The following BRCA1 variants were observed in gnomAD, a reference collection of about 807,000 sequenced individuals.
The protein encoded by BRCA1 is BRCA1 DNA repair associated.
A neutral mutation model predicts 173.7 loss-of-function variants in BRCA1; 140 were observed. That is an observed-to-expected ratio of 0.81 (90% CI 0.70 to 0.93). The LOEUF is 0.93. BRCA1 is among the 40% of genes least tolerant of loss of function. The probability of loss-of-function intolerance (pLI) is 0.00; values close to 1 mark genes in which losing one functional copy is unlikely to be tolerated. For synonymous variants in BRCA1, 662 were observed against 756.0 expected (o/e 0.88, Z 2.04); for missense variants, 1,983 against 2,172.5 (o/e 0.91, Z 1.73).
Position 43,093,444 on chromosome 17 carries a change from G to A in BRCA1, c.2087C>T (p.Thr696Ile), listed in dbSNP as rs1334969117. 1 of 1,614,054 alleles carries A rather than the reference G, an allele frequency of 6.2e-7. No individual in the cohort carries two copies. Among genetic ancestry groups the A allele is most frequent in the South Asian group, 1.1e-5 (1 of 91,082 alleles). Residue 696 changes from threonine to isoleucine, a missense_variant, in exon 10 of 23, where the codon ACT (threonine) becomes ATT (isoleucine). Physicochemically the swap from Thr to Ile is moderately conservative, Grantham distance 89. Transcript: ENST00000357654. ...ATTTGTTAACTTCAGCTCTGGGAAA[G>A]TATCGCTGTCATGTCTTTTACTTGT... ...EQTSKRHDSDTFPELKLTNAP... is the reference protein window; with the variant it reads ...EQTSKRHDSDIFPELKLTNAP...
intron 14 of BRCA1, among the ~76,000 whole-genome samples, chr17:43,072,725 T>A (rs1271303007): frequency 6.6e-6 from 1 of 151,746 alleles, no homozygotes; most frequent in Admixed American, 6.6e-5. Flanking sequence ...CCACCAAGCC[T>A]GGCTAATTTT....
Position 43,078,359 on chromosome 17 carries a change from A to G in BRCA1, c.4358-1745T>C, listed in dbSNP as rs8176200. On this transcript the variant is annotated intron_variant, in intron 12 of 22. Transcript: ENST00000357654. ...CTTGGCCTCACAAAGTGCTGGGATT[A>G]TAGGCATGAGCCACCATACCCAGCC... Among the ~76,000 whole-genome samples, 45,601 of 152,134 alleles carry G rather than the reference A, an allele frequency of 0.3. 7,396 individuals carry two copies. Among genetic ancestry groups the G allele is most frequent in the South Asian group, 0.49 (2,369 of 4,820 alleles).
chr17:43,096,270 G>C (rs1323216899), intron 8 of BRCA1, among the ~76,000 whole-genome samples: 6 of 151,254 alleles, frequency 4.0e-5, no homozygotes, highest in Admixed American at 1.3e-4. Flanking sequence ...CCAGCTACTA[G>C]AGAGGCTGAG....
intron 1 of BRCA1, among the ~76,000 whole-genome samples, chr17:43,151,329 C>T (rs1439311622): frequency 6.6e-6 from 1 of 152,052 alleles, no homozygotes; most frequent in Non-Finnish European, 1.5e-5. Context: ...CTGTAATCCC[C>T]ACATTTTTGG....
At chr17:43,114,634 C>A (rs1440033999) in intron 3 of BRCA1, among the ~76,000 whole-genome samples, 2 of 152,008 alleles carry the variant, frequency 1.3e-5, no homozygotes, top group Non-Finnish European at 2.9e-5. Context: ...TTGTGGTTGT[C>A]TGGGGAGGGA....
intron 3 of BRCA1, among the ~76,000 whole-genome samples, chr17:43,110,955 G>A (rs1190760267): frequency 6.6e-5 from 10 of 152,068 alleles, no homozygotes; most frequent in African/African-American, 2.4e-4. Context: ...ACAAAAATTA[G>A]CCATGCATGG....
At chr17:43,163,356 C>T (rs1597947525) in intron 1 of BRCA1, 1 of 152,202 alleles carries the variant, frequency 6.6e-6, no homozygotes, top group Non-Finnish European at 1.5e-5. Flanking sequence ...GGGCTGGGAC[C>T]AACATGAGGT....
In BRCA1 at chr17:43,073,768, T is replaced by A. The variant is rs190123841; in HGVS notation, c.4675+563A>T. Among the ~76,000 whole-genome samples the A allele has an allele frequency of 3.7e-3, 553 of 151,372 alleles. 5 individuals carry two copies. The highest frequency in any genetic ancestry group is 0.024 in the Middle Eastern group (7 of 294). ...TGTGTGTATATATATATATATATAT[T>A]TTTTGAGATGGAGTCTTGCTCTGTC... On this transcript the variant is annotated intron_variant, in intron 14 of 22. Coordinates refer to ENST00000357654, the MANE Select transcript of BRCA1 (RefSeq NM_007294.4).
chr17:43,114,547 TAA>T (rs2055179021), intron 3 of BRCA1, among the ~76,000 whole-genome samples: 1 of 152,100 alleles, frequency 6.6e-6, no homozygotes, highest in African/African-American at 2.4e-5. Flanking sequence ...AGGAAATTCA[TAA>T]AGACTATTCA....
At chr17:43,048,134 G>A (rs976192173) in intron 21 of BRCA1, among the ~76,000 whole-genome samples, 3 of 152,054 alleles carry the variant, frequency 2.0e-5, no homozygotes, top group Non-Finnish European at 4.4e-5. Context: ...AGGCTCAAGC[G>A]ATTCTCCCAC....
chr17:43,053,565 G>A (rs2051337982), intron 19 of BRCA1, among the ~76,000 whole-genome samples: 1 of 152,130 alleles, frequency 6.6e-6, no homozygotes, highest in African/African-American at 2.4e-5. Flanking sequence ...GGGAGGCTGA[G>A]GCAGGAGAAT....
chr17:43,110,586 T>TAA, intron 3 of BRCA1: 1 of 353,244 alleles, frequency 2.8e-6, no homozygotes. Flanking sequence ...AGACCCTGTC[T>TAA]CAAAAAAAAA....
At chr17:43,099,996 A>C (rs564407408) in intron 6 of BRCA1, 116 bp from the exon 7 acceptor site, 24 of 837,338 alleles carry the variant, frequency 2.9e-5, no homozygotes, top group South Asian at 2.8e-4. Context: ...GTCAGCTAAC[A>C]TGTATGATGC....
chr17:43,157,826 G>A (rs190270998), intron 1 of BRCA1, among the ~76,000 whole-genome samples: 5 of 152,038 alleles, frequency 3.3e-5, no homozygotes, highest in African/African-American at 7.2e-5. Context: ...GAGACACCCC[G>A]TCTCTACTAA....
At chr17:43,082,607 G>T (rs778572131) in intron 11 of BRCA1, 32 bp from the exon 12 acceptor site, 1 of 1,608,196 alleles carries the variant, frequency 6.2e-7, no homozygotes, top group South Asian at 1.1e-5. Context: ...CCAAGAAAAT[G>T]AAATACTTTG....
At chr17:43,170,274 A>G, upstream of BRCA1, 1 of 169,212 alleles carries the variant, frequency 5.9e-6, no homozygotes, top group African/African-American at 2.4e-5. Context: ...GCTGAGCAAT[A>G]GCCTCTCAGA....
At chr17:43,135,451 G>A (rs760094184) in intron 1 of BRCA1, among the ~76,000 whole-genome samples, 7 of 152,208 alleles carry the variant, frequency 4.6e-5, no homozygotes, top group African/African-American at 7.2e-5. Flanking sequence ...CAGTGGCTGC[G>A]ACAGGGACCT....
intron 22 of BRCA1, 37 bp downstream of exon 22, chr17:43,047,606 G>C (rs1311698384): frequency 6.2e-7 from 1 of 1,611,134 alleles, no homozygotes; most frequent in Non-Finnish European, 8.5e-7. Context: ...CCATGCAAAA[G>C]GACCCCATAT....
chr17:43,100,658 A>T lies in BRCA1; in HGVS notation c.442-778T>A, dbSNP rs1567807495. Among the ~76,000 whole-genome samples the T allele has an allele frequency of 8.7e-4, 11 of 12,644 alleles. No individual in the cohort carries two copies. In the South Asian group the frequency reaches 0.015, roughly 17 times the overall value. 8.3% of individuals were successfully genotyped at this position (12,644 alleles called of 152,430 possible). ...TATATATATATAACATATATATAAC[A>T]TATATATATATATATATATAATATA... On this transcript the variant is annotated intron_variant, in intron 6 of 22. Transcript: ENST00000357654.
Sources: allele counts gnomAD v4.1 joint callset (sites outside exome capture counted in the v4.1 genomes callset), GRCh38; gene constraint gnomAD v4.1.1; transcripts MANE v1.5; gene names NCBI Gene and HGNC (gene_info 2026-07-23, HGNC 2026-07-21).